Variants in ZNF808 observed in about 807,000 individuals in gnomAD.
ZNF808 encodes the protein zinc finger protein 808.
Under a neutral mutation model 8.7 loss-of-function variants are expected in ZNF808, and 5 were observed. That is an observed-to-expected ratio of 0.58 (90% CI 0.30 to 1.21). The LOEUF (loss-of-function observed/expected upper bound fraction) is 1.21. Among genes scored for constraint, ZNF808 ranks in the 50% most tolerant of loss-of-function variants. ZNF808 has a pLI of 0.07. For missense variants in ZNF808, 1,103 were observed against 1,098.4 expected (o/e 1.00, Z -0.06); for synonymous variants, 380 against 366.0 (o/e 1.04, Z -0.44).
chr19:52,554,908 A>G lies in ZNF808; in HGVS notation c.1992A>G (p.Ser664=), dbSNP rs1336646695. ...GTGGGAAGACCTTCAGTTACAAGTC[A>G]TCACTTGTATGGCATCGTAGACTTC... ...NECGKTFSYK[S]SLVWHRRLHG... Residue 664 remains serine (S), a synonymous_variant, in exon 5 of 5, where the codon TCA becomes TCG. Transcript: ENST00000359798. 1 of 1,614,246 alleles carries G rather than the reference A, an allele frequency of 6.2e-7. No homozygotes were observed. The highest frequency in any genetic ancestry group is 1.7e-5 in the Admixed American group (1 of 60,022).
At chr19:52,539,092 G>C (rs1425495198) in intron 2 of ZNF808, among the ~76,000 whole-genome samples, 2 of 151,330 alleles carry the variant, frequency 1.3e-5, no homozygotes, top group African/African-American at 4.9e-5. Context: ...GACTGACTCT[G>C]TTACTATATG....
chr19:52,564,352 T>G, exon 4 of ZNF808: 3 of 541,034 alleles, frequency 5.5e-6, no homozygotes, highest in Non-Finnish European at 9.8e-6. Flanking sequence ...AATATATTTT[T>G]TTCTCTCTGA....
chr19:52,562,568 T>A (rs2059861467), intron 3 of ZNF808, among the ~76,000 whole-genome samples: 1 of 152,196 alleles, frequency 6.6e-6, no homozygotes, highest in Non-Finnish European at 1.5e-5. Flanking sequence ...TCATATTTTT[T>A]ATGTTTTTAT....
chr19:52,528,652 T>C (rs2059532806), intron 1 of ZNF808, among the ~76,000 whole-genome samples: 1 of 149,692 alleles, frequency 6.7e-6, no homozygotes, highest in Non-Finnish European at 1.5e-5. Flanking sequence ...GAGGGAGGGA[T>C]TTGGAGCCAG....
rs188209872 is a variant in ZNF808 at position 52,554,301 on chromosome 19, C to T, written c.1385C>T (p.Thr462Ile). ...CCATACAAATGTAAGGTTTGTGATACAGCTTTCACGTGTAATTCACAGCTG... is the reference window on the plus strand; with the variant it reads ...CCATACAAATGTAAGGTTTGTGATATAGCTTTCACGTGTAATTCACAGCTG... Reference protein sequence around the residue: ...EKPYKCKVCDTAFTCNSQLAR... With the variant: ...EKPYKCKVCDIAFTCNSQLAR... The change falls in exon 5 of 5, where the codon ACA becomes ATA. Residue 462 changes from threonine to isoleucine, a missense_variant. Thr to Ile is a moderately conservative substitution (Grantham distance 89). Transcript: ENST00000359798. 7 of 1,613,946 alleles carry T rather than the reference C, an allele frequency of 4.3e-6. No homozygotes were observed. The South Asian group carries it at 6.6e-5, about 15-fold the overall frequency.
chr19:52,561,240 A>C (rs2059857215), downstream of ZNF808, among the ~76,000 whole-genome samples: 1 of 109,348 alleles, frequency 9.1e-6, no homozygotes, highest in South Asian at 2.9e-4. Context: ...ATATATATAT[A>C]CACTTTTTTT....
chr19:52,557,887 G>C (rs930523769), downstream of ZNF808, among the ~76,000 whole-genome samples: 2 of 152,114 alleles, frequency 1.3e-5, no homozygotes, highest in Admixed American at 1.3e-4. Context: ...CTCAGACCTT[G>C]TCAGTGTAAC....
chr19:52,558,044 T>TTTTTTTTTGG (rs1600048432), downstream of ZNF808, among the ~76,000 whole-genome samples: 1 of 138,510 alleles, frequency 7.2e-6, no homozygotes, highest in African/African-American at 2.8e-5. Context: ...TTTTTTTTTT[T>TTTTTTTTTGG]GAGGGTAGGA....
In ZNF808 at chr19:52,555,714, GT is replaced by G; in HGVS notation, c.*87del. Reference sequence around the variant, plus strand: ...CATGATGAAGAGAAATCTTCTGAGTGTAATAAATGTGGCATGTTTTTCAGAC... The same window carrying G: ...CATGATGAAGAGAAATCTTCTGAGTGAATAAATGTGGCATGTTTTTCAGAC... On this transcript the variant is annotated 3_prime_UTR_variant, in exon 5 of 5. Coordinates refer to ENST00000359798, the MANE Select transcript of ZNF808 (RefSeq NM_001039886.4). The G allele has an allele frequency of 6.5e-7, 1 of 1,528,484 alleles. No homozygotes were observed. The highest frequency in any genetic ancestry group is 8.9e-7 in the Non-Finnish European group (1 of 1,129,576). The allele number at this position is 1,528,484 out of a possible 1,614,324, so 94.7% of individuals were successfully genotyped here.
At chr19:52,562,408 A>G (rs12985487) in intron 3 of ZNF808, among the ~76,000 whole-genome samples, 8,794 of 152,178 alleles carry the variant, frequency 0.058, 271 homozygotes, top group Middle Eastern at 0.14. Context: ...AAGAAAAAAT[A>G]TAAATAAAAG....
intron 1 of ZNF808, chr19:52,527,933 A>G (rs553331924): frequency 6.6e-6 from 1 of 152,462 alleles, no homozygotes; most frequent in Admixed American, 6.5e-5. Flanking sequence ...AGGGCAATGT[A>G]TACACTTTCT....
In ZNF808 at chr19:52,555,919, T is replaced by C. The variant is rs191115452; in HGVS notation, c.*291T>C. On this transcript the variant is annotated 3_prime_UTR_variant, in exon 5 of 5. Coordinates refer to ENST00000359798, the MANE Select transcript of ZNF808 (RefSeq NM_001039886.4). Reference sequence around the variant, plus strand: ...AAAGCCTTTACTTCACATTCACACCTCGTTGGACATCAGAGAATCCATACT... The same window carrying C: ...AAAGCCTTTACTTCACATTCACACCCCGTTGGACATCAGAGAATCCATACT... 0.013 allele frequency: 8,636 copies of C among 673,482 alleles called. 113 individuals are homozygous for C. The highest frequency in any genetic ancestry group is 0.015 in the Non-Finnish European group (5,458 of 355,478). The allele number at this position is 673,482 out of a possible 1,614,324, so 41.7% of individuals were successfully genotyped here.
At position 52,555,800 on chromosome 19, in the gene ZNF808, C is replaced by T. The variant is rs922727484; in HGVS notation, c.*172C>T. 6 of 1,033,614 alleles carry T rather than the reference C, an allele frequency of 5.8e-6. No homozygotes were observed. The highest frequency in any genetic ancestry group is 2.1e-4 in the Middle Eastern group (1 of 4,868). 64.0% of individuals were successfully genotyped at this position (1,033,614 alleles called of 1,614,324 possible). A position where few individuals can be genotyped will look rare whatever the true frequency, so the allele number is the denominator to read the frequency against. On this transcript the variant is annotated 3_prime_UTR_variant, in exon 5 of 5. Coordinates refer to ENST00000359798, the MANE Select transcript of ZNF808 (RefSeq NM_001039886.4). ...TACTGGAGAGAAACCTTACAAATGTCATGATTGAGGCAAGGTCTTCAGTCA... is the reference window on the plus strand; with the variant it reads ...TACTGGAGAGAAACCTTACAAATGTTATGATTGAGGCAAGGTCTTCAGTCA...
chr19:52,564,200 G>C, exon 4 of ZNF808: 1 of 868,976 alleles, frequency 1.2e-6, no homozygotes, highest in Non-Finnish European at 1.9e-6. Flanking sequence ...TTTAAAAGGA[G>C]ACATTGGAGA....
At chr19:52,536,178 C>T (rs548348332) in intron 2 of ZNF808, 1 of 152,686 alleles carries the variant, frequency 6.5e-6, no homozygotes, top group South Asian at 2.0e-4. Context: ...ATTGAGATGT[C>T]CCCGTAAGAG....
rs1431367236 is a variant in ZNF808, at chr19:52,533,683, G to A, written c.-20+674G>A. Among the ~76,000 whole-genome samples, 4 of 151,556 alleles carry A rather than the reference G, an allele frequency of 2.6e-5. No homozygotes were observed. In the East Asian group the frequency reaches 8.0e-4, roughly 30 times the overall value. The stretch of plus-strand genomic sequence containing the variant: ...CGCCTGACAAACATGTTGAAACCCT[G>A]TCTCTACTAAAAATACGAAGAAATT... On this transcript the variant is annotated intron_variant, in intron 2 of 4. Transcript: ENST00000359798.
chr19:52,534,734 T>C (rs62117196), intron 2 of ZNF808, among the ~76,000 whole-genome samples: 25 of 150,920 alleles, frequency 1.7e-4, no homozygotes, highest in African/African-American at 2.9e-4. Flanking sequence ...ACCAAAAATA[T>C]GAAAGTTAGC....
At position 52,554,103 on chromosome 19, in the gene ZNF808, A is replaced by G. The variant is rs2059806958; in HGVS notation, c.1187A>G (p.Glu396Gly). 1.9e-6 allele frequency: 3 copies of G among 1,614,026 alleles called. No homozygotes were observed. The African/African-American group carries it at 4.0e-5, about 22-fold the overall frequency. Residue 396 changes from glutamate (E) to glycine (G), a missense_variant, in exon 5 of 5, where the codon GAG becomes GGG. Transcript: ENST00000359798. ...AACCATACTAGAATTCATAGTGGAG[A>G]GAAAACATACAAGTGTAATGAGTGT... is the stretch of plus-strand genomic sequence containing the variant. ...LANHTRIHSG[E>G]KTYKCNECGK...
intron 1 of ZNF808, among the ~76,000 whole-genome samples, chr19:52,531,518 AAGC>A (rs772774669): frequency 4.6e-5 from 7 of 151,512 alleles, no homozygotes; most frequent in Middle Eastern, 3.2e-3. Flanking sequence ...ATAAAAATAA[AAGC>A]AGACGTATTC....
Sources: gnomAD v4.1 joint callset for allele counts (sites outside exome capture counted in the v4.1 genomes callset) on GRCh38, gnomAD v4.1.1 for gene constraint, MANE v1.5 for transcripts, NCBI Gene and HGNC (gene_info 2026-07-23, HGNC 2026-07-21) for gene names.